The following SLC19A1 variants were observed in gnomAD, a reference collection of about 807,000 sequenced individuals.
SLC19A1 encodes reduced folate transporter.
In SLC19A1, 37 loss-of-function variants were observed where a neutral mutation model predicts 35.3. The ratio of observed to expected loss-of-function variants is 1.05; its 90% CI spans 0.81 to 1.38. The LOEUF (loss-of-function observed/expected upper bound fraction) is 1.38. Among genes scored for constraint, SLC19A1 ranks in the 40% most tolerant of loss-of-function variants. The pLI is 0.00. For missense variants in SLC19A1, 831 were observed against 826.9 expected, an observed-to-expected ratio of 1.00 and a Z score of -0.06; for synonymous variants, 460 against 398.5, an observed-to-expected ratio of 1.15 and a Z score of -1.84.
chr21:45,554,921 G>C (rs538547346), intron 1 of SLC19A1, among the ~76,000 whole-genome samples: 2 of 151,846 alleles, frequency 1.3e-5, no homozygotes, highest in South Asian at 4.2e-4. Context: ...CTTCTCCCCA[G>C]AAGCAGCCCC....
At chr21:45,511,952 CCCCTCTG>C (rs1045316197), downstream of SLC19A1, among the ~76,000 whole-genome samples, 1 of 152,160 alleles carries the variant, frequency 6.6e-6, no homozygotes, top group African/African-American at 2.4e-5. Flanking sequence ...TGGCCCCTCT[CCCCTCTG>C]CCGTGGGTGT....
chr21:45,539,250 C>G (rs538317466), intron 1 of SLC19A1, among the ~76,000 whole-genome samples: 4 of 152,360 alleles, frequency 2.6e-5, no homozygotes, highest in Admixed American at 1.3e-4. Context: ...TCTGTATCAG[C>G]TGACCTCTGC....
chr21:45,535,746 TCACCTC>T (rs1263612898), intron 2 of SLC19A1, among the ~76,000 whole-genome samples: 2 of 152,124 alleles, frequency 1.3e-5, no homozygotes, highest in Non-Finnish European at 2.9e-5. Context: ...AATCCCCTAA[TCACCTC>T]CAGCAAAGCA....
intron 3 of SLC19A1, chr21:45,506,299 A>AG (rs2037199979): frequency 1.1e-5 from 4 of 373,796 alleles, no homozygotes; most frequent in South Asian, 8.6e-5. Context: ...ACGAGGCGGC[A>AG]GGGGGGCTCA....
At chr21:45,552,069 T>C (rs2078471360) in intron 1 of SLC19A1, among the ~76,000 whole-genome samples, 1 of 152,138 alleles carries the variant, frequency 6.6e-6, no homozygotes, top group African/African-American at 2.4e-5. Flanking sequence ...CTACAAAAGG[T>C]GTCTGCCCGA....
chr21:45,508,929 C>T (rs948466376), downstream of SLC19A1, among the ~76,000 whole-genome samples: 1 of 152,070 alleles, frequency 6.6e-6, no homozygotes, highest in Non-Finnish European at 1.5e-5. Flanking sequence ...TAGGGGCATC[C>T]GGACTGGGGT....
At position 45,538,007 on chromosome 21, in the gene SLC19A1, G is replaced by A. The variant is rs950886001; in HGVS notation, c.-48C>T. 7.1e-7 allele frequency: 1 copy of A among 1,413,024 alleles called. No homozygotes were observed. Among genetic ancestry groups the A allele is most frequent in the Non-Finnish European group, 9.3e-7 (1 of 1,070,090 alleles). 87.5% of individuals were successfully genotyped at this position (1,413,024 alleles called of 1,614,324 possible). ...CCGGAGGGGACGAAGGTGACGCTGT[G>A]CCTGGAAGGAGGGGTGGAGTCAGGG... On this transcript the variant is annotated splice_region_variant and 5_prime_UTR_variant, in exon 2 of 6. Coordinates refer to ENST00000311124, the MANE Select transcript of SLC19A1 (RefSeq NM_194255.4).
At position 45,505,711 on chromosome 21, in the gene SLC19A1, C is replaced by T. The variant is rs974213581; in HGVS notation, c.498-7099G>A. On this transcript the variant is annotated intron_variant, in intron 3 of 4. Coordinates refer to the SLC19A1 transcript ENST00000417954. ...CCCATGGTGCTCATGGGGGCAGCCGCCTCAGTCCACACCTGTCCAAAGCCC... is the reference window on the plus strand; with the variant it reads ...CCCATGGTGCTCATGGGGGCAGCCGTCTCAGTCCACACCTGTCCAAAGCCC... The T allele has an allele frequency of 1.0e-5, 8 of 801,384 alleles. No homozygotes were observed. The East Asian group carries it at 1.9e-4, about 19-fold the overall frequency. The allele number at this position is 801,384 out of a possible 1,614,324, so 49.6% of individuals were successfully genotyped here.
upstream of SLC19A1, among the ~76,000 whole-genome samples, chr21:45,545,828 C>T (rs1229140116): frequency 6.6e-6 from 1 of 152,232 alleles, no homozygotes; most frequent in African/African-American, 2.4e-5. Flanking sequence ...GACGTCTCCC[C>T]AGTCTCACCT....
intron 3 of SLC19A1, among the ~76,000 whole-genome samples, chr21:45,503,535 A>G (rs2036979793): frequency 1.3e-5 from 2 of 151,314 alleles, no homozygotes; most frequent in South Asian, 4.2e-4. Context: ...CTATTGCAAG[A>G]ACAAAAAACC....
downstream of SLC19A1, among the ~76,000 whole-genome samples, chr21:45,508,142 G>A (rs2037339156): frequency 1.3e-5 from 2 of 151,678 alleles, no homozygotes; most frequent in Admixed American, 1.3e-4. Context: ...TGGGTGGATG[G>A]AAAGGTGGGT....
At position 45,537,988 on chromosome 21, in the gene SLC19A1, G is replaced by A. The variant is rs764664607; in HGVS notation, c.-29C>T. 1.4e-6 allele frequency: 2 copies of A among 1,473,492 alleles called. No homozygotes were observed. The highest frequency in any genetic ancestry group is 1.8e-6 in the Non-Finnish European group (2 of 1,108,768). 91.3% of individuals were successfully genotyped at this position (1,473,492 alleles called of 1,614,324 possible). On this transcript the variant is annotated 5_prime_UTR_variant, in exon 2 of 6. Transcript: ENST00000311124. ...GCTCAGGCCACGTGCAGCTCCGGAG[G>A]GGACGAAGGTGACGCTGTGCCTGGA...
At chr21:45,552,865 A>G (rs1041068804) in intron 1 of SLC19A1, among the ~76,000 whole-genome samples, 5 of 142,272 alleles carry the variant, frequency 3.5e-5, no homozygotes, top group African/African-American at 1.3e-4. Flanking sequence ...CTCAAAACAC[A>G]CGACGGCTGT....
downstream of SLC19A1, chr21:45,509,384 C>T (rs1279659818): frequency 1.3e-6 from 2 of 1,540,294 alleles, no homozygotes; most frequent in Middle Eastern, 2.0e-4. Flanking sequence ...TTGCAGCCCC[C>T]CGTGGTGCAG....
chr21:45,504,507 C>T (rs531174886), intron 3 of SLC19A1: 13 of 1,047,366 alleles, frequency 1.2e-5, no homozygotes, highest in South Asian at 1.4e-5. Flanking sequence ...CTGCCCGGCC[C>T]CCCCGGCCCC....
downstream of SLC19A1, chr21:45,512,468 C>A: frequency 6.7e-7 from 1 of 1,484,422 alleles, no homozygotes; most frequent in South Asian, 1.2e-5. Context: ...GGGCAGGGAG[C>A]GGCCGGCCAG....
chr21:45,556,617 C>T (rs2078564592), intron 1 of SLC19A1, among the ~76,000 whole-genome samples: 1 of 152,248 alleles, frequency 6.6e-6, no homozygotes, highest in South Asian at 2.1e-4. Flanking sequence ...CGAAACCAGT[C>T]AGTGACACAC....
chr21:45,511,160 G>A (rs373537140), downstream of SLC19A1: 61 of 1,601,184 alleles, frequency 3.8e-5, no homozygotes, highest in Non-Finnish European at 4.9e-5. Context: ...GGCTCTGAGG[G>A]TCCGCTGAAG....
Position 45,538,322 on chromosome 21 carries a change from TAACTA to T in SLC19A1, c.-49-319_-49-315del, listed in dbSNP as rs373538440. ...TAATTAACTAATTGACTTACTTTAT[TAACTA>T]AACTAACAAAATTTAGGGTTTGGGG... On this transcript the variant is annotated intron_variant, in intron 1 of 5. Transcript: ENST00000311124. 5.1e-3 allele frequency among the ~76,000 whole-genome samples: 782 copies of T among 152,356 alleles called. 10 individuals carry two copies. The highest frequency in any genetic ancestry group is 0.018 in the African/African-American group (746 of 41,590).
Sources: allele counts gnomAD v4.1 joint callset (sites outside exome capture counted in the v4.1 genomes callset), GRCh38; gene constraint gnomAD v4.1.1; transcripts MANE v1.5; gene names NCBI Gene and HGNC (gene_info 2026-07-23, HGNC 2026-07-21).